The following MTMR8 variants were observed in gnomAD, a reference collection of about 807,000 sequenced individuals.
The protein encoded by MTMR8 is phosphatidylinositol-3,5-bisphosphate 3-phosphatase MTMR8.
MTMR8 carries 65 observed loss-of-function variants against 39.3 expected under a neutral mutation model. That is an observed-to-expected ratio of 1.65 (90% CI 1.35 to 2.03). The LOEUF is 2.03. Ranked by LOEUF, MTMR8 falls within the 30% of genes most tolerant of loss-of-function variation. The pLI, the probability that MTMR8 is intolerant of heterozygous loss-of-function variation, is 0.00. For missense variants in MTMR8, 777 were observed against 538.9 expected, an observed-to-expected ratio of 1.44 and a Z score of -4.37; for synonymous variants, 245 against 185.2, an observed-to-expected ratio of 1.32 and a Z score of -2.62.
chrX:64,395,216 G>A (rs1363790548), intron 1 of MTMR8, 124 bp downstream of exon 1: 7 of 723,201 alleles, frequency 9.7e-6, no homozygotes, highest in Admixed American at 2.5e-5. Flanking sequence ...AAGAGAACCC[G>A]GGACCCCCCA....
At chrX:64,353,107 T>G (rs1923527360) in intron 4 of MTMR8, among the ~76,000 whole-genome samples, 1 of 111,835 alleles carries the variant, frequency 8.9e-6, no homozygotes, top group South Asian at 3.7e-4. Context: ...TTGGGGGAAA[T>G]AAGTCTCTTC....
intron 12 of MTMR8, among the ~76,000 whole-genome samples, chrX:64,289,306 C>A (rs966160058): frequency 6.3e-5 from 7 of 110,500 alleles, no homozygotes; most frequent in African/African-American, 2.3e-4. Flanking sequence ...AAATTGGAAA[C>A]CTTGTCCACT....
intron 5 of MTMR8, among the ~76,000 whole-genome samples, chrX:64,349,164 C>G (rs1213300121): frequency 9.0e-6 from 1 of 111,705 alleles, no homozygotes; most frequent in African/African-American, 3.3e-5. Context: ...GCGGAGGCAG[C>G]AGAATTCAAG....
chrX:64,311,049 A>G (rs1256564395), intron 12 of MTMR8, among the ~76,000 whole-genome samples: 1 of 111,787 alleles, frequency 8.9e-6, no homozygotes, highest in Non-Finnish European at 1.9e-5. Context: ...TGGTATTTCT[A>G]GTTCTAGATC....
intron 12 of MTMR8, among the ~76,000 whole-genome samples, chrX:64,294,546 G>A (rs989528915): frequency 8.9e-6 from 1 of 111,856 alleles, no homozygotes; most frequent in African/African-American, 3.2e-5. Context: ...AATGAGAGGG[G>A]ATGGTATCTT....
intron 12 of MTMR8, among the ~76,000 whole-genome samples, chrX:64,273,656 C>A (rs1279233547): frequency 9.0e-6 from 1 of 111,113 alleles, no homozygotes; most frequent in Non-Finnish European, 1.9e-5. Flanking sequence ...AATAAAAATA[C>A]ACAGAATGAC....
chrX:64,378,526 C>G (rs755916350), intron 1 of MTMR8, among the ~76,000 whole-genome samples: 5 of 112,469 alleles, frequency 4.4e-5, no homozygotes, highest in African/African-American at 1.6e-4. Context: ...CAGCCTGACA[C>G]TTGAATGTAA....
chrX:64,327,215 A>G (rs1396020466), intron 12 of MTMR8, among the ~76,000 whole-genome samples: 3 of 111,845 alleles, frequency 2.7e-5, no homozygotes, highest in Non-Finnish European at 3.8e-5. Flanking sequence ...CTTCTGCTGC[A>G]CAGTAAAGGA....
At chrX:64,354,558 C>A (rs917532031) in intron 4 of MTMR8, among the ~76,000 whole-genome samples, 9 of 111,891 alleles carry the variant, frequency 8.0e-5, no homozygotes, top group Non-Finnish European at 1.3e-4. Context: ...TGCCCTGCAC[C>A]TATGCTCCCA....
chrX:64,313,841 C>A (rs1178761134), intron 12 of MTMR8, among the ~76,000 whole-genome samples: 1 of 112,613 alleles, frequency 8.9e-6, no homozygotes, highest in East Asian at 2.8e-4. Flanking sequence ...CTAGTACTGT[C>A]ATTTGGAGGA....
At position 64,348,677 on chromosome X, in the gene MTMR8, C is replaced by T. The variant is rs761327614; in HGVS notation, c.715G>A (p.Val239Ile). 3 of 1,210,892 alleles carry T rather than the reference C, an allele frequency of 2.5e-6. No individual in the cohort carries two copies. The highest frequency in any genetic ancestry group is 2.3e-4 in the Middle Eastern group (1 of 4,339). Residue 239 changes from valine (V) to isoleucine (I), a missense_variant, in exon 6 of 14, where the codon GTA (valine) becomes ATA (isoleucine). Physicochemically the swap from Val to Ile is conservative, Grantham distance 29. Coordinates refer to ENST00000374852, the MANE Select transcript of MTMR8 (RefSeq NM_017677.4). ...TNPGSQFMYV[V>I]DTRPKLNAMA... ...ATAGATACCTTTGGTCTTGTGTCTA[C>T]AACATACATAAACTGGCTCCCTGGG...
intron 12 of MTMR8, among the ~76,000 whole-genome samples, chrX:64,318,040 A>T (rs989276493): frequency 8.9e-6 from 1 of 112,409 alleles, no homozygotes; most frequent in Non-Finnish European, 1.9e-5. Context: ...CATTAATGCT[A>T]GGTGAAAGTC....
intron 12 of MTMR8, among the ~76,000 whole-genome samples, chrX:64,282,315 C>A (rs760317401): frequency 2.7e-5 from 3 of 110,658 alleles, no homozygotes; most frequent in South Asian, 7.7e-4. Flanking sequence ...GACTTGGAAC[C>A]ACATGTGGAC....
chrX:64,314,801 G>A lies in MTMR8; in HGVS notation c.1481+13971C>T, dbSNP rs192121691. On this transcript the variant is annotated intron_variant, in intron 12 of 13. Transcript: ENST00000374852. ...GGGTATCGAGTGGGTGGGATGGTAC[G>A]TGACCTCGGGGGCCACCCTGCTATA... is the stretch of plus-strand genomic sequence containing the variant. Among the ~76,000 whole-genome samples, 1,076 of 112,084 alleles carry A rather than the reference G, an allele frequency of 9.6e-3. 16 individuals are homozygous for A. The highest frequency in any genetic ancestry group is 0.031 in the African/African-American group (967 of 30,840).
intron 1 of MTMR8, among the ~76,000 whole-genome samples, chrX:64,386,096 C>CA (rs1170441790): frequency 1.3e-3 from 131 of 101,479 alleles, no homozygotes; most frequent in Admixed American, 3.2e-3. Context: ...TTCACCCTGA[C>CA]AAAAAAAAAA....
rs1287448117 is a variant in MTMR8, at chrX:64,301,374, C to G, written c.1481+27398G>C. 1.4e-3 allele frequency among the ~76,000 whole-genome samples: 147 copies of G among 105,983 alleles called. 1 individual carries two copies. The highest frequency in any genetic ancestry group is 4.8e-3 in the African/African-American group (140 of 29,103). 92.0% of individuals were successfully genotyped at this position (105,983 alleles called of 115,157 possible). A position where few individuals can be genotyped will look rare whatever the true frequency, so the allele number is the denominator to read the frequency against. On this transcript the variant is annotated intron_variant, in intron 12 of 13. Transcript: ENST00000374852. ...TTTCTTCCAGTTGATCGCATCGGCT[C>G]CTGAGGCTTCTGCATTCTTCACGTA...
intron 12 of MTMR8, among the ~76,000 whole-genome samples, chrX:64,320,918 G>T (rs1318059448): frequency 9.0e-6 from 1 of 111,663 alleles, no homozygotes; most frequent in African/African-American, 3.3e-5. Context: ...TTATTTTTCT[G>T]GAATTTAAGG....
intron 1 of MTMR8, among the ~76,000 whole-genome samples, chrX:64,365,094 G>A (rs888811255): frequency 9.0e-6 from 1 of 111,650 alleles, no homozygotes; most frequent in African/African-American, 3.3e-5. Context: ...AAGCCTCCAA[G>A]AAATATGGGA....
At chrX:64,311,394 G>A (rs1385054433) in intron 12 of MTMR8, among the ~76,000 whole-genome samples, 1 of 110,908 alleles carries the variant, frequency 9.0e-6, no homozygotes, top group Non-Finnish European at 1.9e-5. Context: ...CTGGATATTA[G>A]CCCTTTGTCA....
Sources: gnomAD v4.1 joint callset for allele counts (sites outside exome capture counted in the v4.1 genomes callset) on GRCh38, gnomAD v4.1.1 for gene constraint, MANE v1.5 for transcripts, NCBI Gene and HGNC (gene_info 2026-07-23, HGNC 2026-07-21) for gene names.